Variants in SLC30A9 observed in about 807,000 individuals in gnomAD.
The protein encoded by SLC30A9 is proton-coupled zinc antiporter SLC30A9, mitochondrial.
Under a neutral mutation model 87.5 loss-of-function variants are expected in SLC30A9, and 58 were observed. The observed-to-expected ratio is 0.66, with a 90% CI of 0.54 to 0.82. SLC30A9 has a LOEUF of 0.82. Ranked by LOEUF, SLC30A9 falls within the 40% of genes least tolerant of loss-of-function variation. The pLI is 0.00. For synonymous variants in SLC30A9, 234 were observed against 233.0 expected, an observed-to-expected ratio of 1.00 and a Z score of -0.04; for missense variants, 557 against 679.1, an observed-to-expected ratio of 0.82 and a Z score of 2.00.
chr4:42,023,607 T>TA lies in SLC30A9; in HGVS notation c.610+224dup, dbSNP rs1469827350. On this transcript the variant is annotated intron_variant, in intron 6 of 17. Coordinates refer to ENST00000264451, the MANE Select transcript of SLC30A9 (RefSeq NM_006345.4). ...TGAAGATGATGAGAGGAAGAGAAGC[T>TA]ACAGTTTATCATTTTTATAAGACAT... Among the ~76,000 whole-genome samples the TA allele has an allele frequency of 2.0e-5, 3 of 152,340 alleles. No individual in the cohort carries two copies. In the East Asian group the frequency reaches 5.8e-4, roughly 29 times the overall value.
At chr4:42,005,064 T>C (rs749743196) in intron 2 of SLC30A9, among the ~76,000 whole-genome samples, 54 of 152,220 alleles carry the variant, frequency 3.5e-4, no homozygotes, top group Non-Finnish European at 6.9e-4. Flanking sequence ...ACATAGCTAT[T>C]TTATATTTTT....
intron 15 of SLC30A9, among the ~76,000 whole-genome samples, chr4:42,071,481 G>A (rs939433938): frequency 1.3e-5 from 2 of 152,048 alleles, no homozygotes; most frequent in Non-Finnish European, 2.9e-5. Context: ...ATCTTGAAAA[G>A]TAACTATCTT....
rs959434206 is a variant in SLC30A9 at position 42,070,580 on chromosome 4, T to C, written c.1307T>C (p.Met436Thr). Residue 436 changes from methionine to threonine, a missense_variant, in exon 15 of 18, where the codon ATG becomes ACG. Physicochemically the swap from Met to Thr is moderately conservative, Grantham distance 81. This residue lies in a region of SLC30A9 where 467 missense variants were observed against 529.8 expected (regional missense o/e 0.88). Coordinates refer to ENST00000264451, the MANE Select transcript of SLC30A9 (RefSeq NM_006345.4). ...GSLGVGTLLG[M>T]VSAFLIYTNT... ...TTGGGTGTGGGCACCTTATTAGGCATGGTCTCAGCATTCCTCATCTACACT... is the reference window on the plus strand; with the variant it reads ...TTGGGTGTGGGCACCTTATTAGGCACGGTCTCAGCATTCCTCATCTACACT... 18 of 1,613,278 alleles carry C rather than the reference T, an allele frequency of 1.1e-5. No individual in the cohort carries two copies. The highest frequency in any genetic ancestry group is 1.7e-5 in the Admixed American group (1 of 59,944).
At chr4:42,083,356 G>A (rs2153141648) in intron 17 of SLC30A9, among the ~76,000 whole-genome samples, 1 of 152,306 alleles carries the variant, frequency 6.6e-6, no homozygotes, top group Middle Eastern at 3.4e-3. Context: ...TAAAGTATTT[G>A]TTGAATAAGT....
intron 11 of SLC30A9, 97 bp downstream of exon 11, chr4:42,063,218 C>A: frequency 9.3e-7 from 1 of 1,075,668 alleles, no homozygotes; most frequent in Non-Finnish European, 1.4e-6. Flanking sequence ...AGGAGAATGA[C>A]ATACACCTTC....
chr4:42,033,416 A>T (rs991947341), intron 6 of SLC30A9, among the ~76,000 whole-genome samples: 1 of 151,892 alleles, frequency 6.6e-6, no homozygotes, highest in Non-Finnish European at 1.5e-5. Context: ...AGGTGGGAGG[A>T]TCACTTGAGA....
At chr4:42,059,952 GA>G (rs1357288459) in intron 9 of SLC30A9, among the ~76,000 whole-genome samples, 1 of 151,976 alleles carries the variant, frequency 6.6e-6, no homozygotes, top group African/African-American at 2.4e-5. Flanking sequence ...CCAATTGATG[GA>G]TTTTTTTTAG....
At chr4:42,040,083 G>T (rs749724977) in intron 8 of SLC30A9, among the ~76,000 whole-genome samples, 226 of 152,298 alleles carry the variant, frequency 1.5e-3, no homozygotes, top group South Asian at 2.9e-3. Context: ...TAGAAGGTAT[G>T]TTCAAGGATA....
rs1440339029 is a variant in SLC30A9, at chr4:42,087,300, ATCAAAACAAC to A, written c.*1178_*1187del. Reference sequence around the variant, plus strand: ...GTGGTGAAAAGCTGCAGCTGTCATCATCAAAACAACTCATAACATACTTTAAAATGTTCAG... The same window carrying A: ...GTGGTGAAAAGCTGCAGCTGTCATCATCATAACATACTTTAAAATGTTCAG... On this transcript the variant is annotated 3_prime_UTR_variant, in exon 18 of 18. Coordinates refer to ENST00000264451, the MANE Select transcript of SLC30A9 (RefSeq NM_006345.4). 1 of 152,264 alleles carries A rather than the reference ATCAAAACAAC, an allele frequency of 6.6e-6. No individual in the cohort carries two copies. Among genetic ancestry groups the A allele is most frequent in the Non-Finnish European group, 1.5e-5 (1 of 68,046 alleles). 9.4% of individuals were successfully genotyped at this position (152,264 alleles called of 1,614,324 possible).
At chr4:42,074,973 G>C (rs1718461609) in intron 15 of SLC30A9, among the ~76,000 whole-genome samples, 1 of 128,256 alleles carries the variant, frequency 7.8e-6, no homozygotes, top group Non-Finnish European at 1.6e-5. Context: ...GGAGACAAAG[G>C]CTTATGAGAT....
At position 42,086,535 on chromosome 4, in the gene SLC30A9, A is replaced by C. The variant is rs1179660129; in HGVS notation, c.*409A>C. On this transcript the variant is annotated 3_prime_UTR_variant, in exon 18 of 18. Transcript: ENST00000264451. ...TGCCTCTGAAGATTTCACTCCATCAAGATCTGCCAATCTTCAATATTCTGG... is the reference window on the plus strand; with the variant it reads ...TGCCTCTGAAGATTTCACTCCATCACGATCTGCCAATCTTCAATATTCTGG... The C allele has an allele frequency of 6.4e-6, 1 of 155,514 alleles. No individual in the cohort carries two copies. The highest frequency in any genetic ancestry group is 1.4e-5 in the Non-Finnish European group (1 of 69,936). 9.6% of individuals were successfully genotyped at this position (155,514 alleles called of 1,614,324 possible).
chr4:42,029,409 A>T (rs562013242), intron 6 of SLC30A9: 1 of 619,182 alleles, frequency 1.6e-6, no homozygotes, highest in East Asian at 3.5e-5. Flanking sequence ...TTAAACCCAC[A>T]TATCAGAACC....
chr4:42,036,313 C>G (rs1716674584), intron 7 of SLC30A9, among the ~76,000 whole-genome samples: 1 of 151,858 alleles, frequency 6.6e-6, no homozygotes, highest in Admixed American at 6.6e-5. Context: ...TTTACTAACT[C>G]ATCTACACAT....
intron 17 of SLC30A9, among the ~76,000 whole-genome samples, chr4:42,080,448 T>C (rs1288856667): frequency 1.3e-5 from 2 of 152,218 alleles, no homozygotes; most frequent in Non-Finnish European, 2.9e-5. Context: ...TTCAGTTGTC[T>C]TTTCTCTGTA....
In SLC30A9 at chr4:42,060,264, T is replaced by C. The variant is rs905872925; in HGVS notation, c.896+18T>C. On this transcript the variant is annotated intron_variant, in intron 10 of 17. Coordinates refer to ENST00000264451, the MANE Select transcript of SLC30A9 (RefSeq NM_006345.4). ...TCTCATCCGTAAGGACATTGCCTTA[T>C]TTTGTTTTTGTTTGTTTTGGCGATA... is the stretch of plus-strand genomic sequence containing the variant. The C allele has an allele frequency of 6.3e-7, 1 of 1,596,062 alleles. No individual in the cohort carries two copies.
intron 15 of SLC30A9, among the ~76,000 whole-genome samples, chr4:42,071,967 A>T (rs1246722182): frequency 1.8e-5 from 2 of 114,284 alleles, no homozygotes; most frequent in East Asian, 8.6e-4. Context: ...ATCTCTTGTT[A>T]TGGATCTGTT....
At chr4:42,018,574 C>A (rs1715814457) in intron 3 of SLC30A9, 1 of 444,802 alleles carries the variant, frequency 2.2e-6, no homozygotes, top group Non-Finnish European at 3.5e-6. Context: ...GTTTGTAGCT[C>A]TCTTCTGTAT....
At chr4:41,995,263 C>G (rs1029027841) in intron 1 of SLC30A9, among the ~76,000 whole-genome samples, 47 of 151,804 alleles carry the variant, frequency 3.1e-4, no homozygotes, top group African/African-American at 1.1e-3. Flanking sequence ...TCCGTCCCCC[C>G]ACCAAAAAAA....
intron 2 of SLC30A9, among the ~76,000 whole-genome samples, chr4:42,017,777 A>G (rs934775251): frequency 7.9e-5 from 12 of 152,120 alleles, no homozygotes; most frequent in African/African-American, 2.7e-4. Flanking sequence ...ACCATTAAAG[A>G]CAATGTTTGT....
Sources: allele counts gnomAD v4.1 joint callset (sites outside exome capture counted in the v4.1 genomes callset), GRCh38; gene constraint gnomAD v4.1.1; regional missense constraint gnomAD v4.1.1; transcripts MANE v1.5; gene names NCBI Gene and HGNC (gene_info 2026-07-23, HGNC 2026-07-21).